SLC37A3: variants seen among roughly 807,000 people sequenced by gnomAD.
The protein encoded by SLC37A3 is solute carrier family 37 member 3.
Under a neutral mutation model 67.1 loss-of-function variants are expected in SLC37A3, and 51 were observed. The observed-to-expected ratio is 0.76, with a 90% CI of 0.61 to 0.96. SLC37A3 has a LOEUF of 0.96. Ranked by LOEUF, SLC37A3 falls within the 40% of genes least tolerant of loss-of-function variation. The pLI, the probability that SLC37A3 is intolerant of heterozygous loss-of-function variation, is 0.00. For missense variants in SLC37A3, 508 were observed against 603.0 expected (o/e 0.84, Z 1.65); for synonymous variants, 214 against 231.4 (o/e 0.92, Z 0.68).
chr7:140,360,198 T>C (rs1259871711), intron 5 of SLC37A3, among the ~76,000 whole-genome samples: 1 of 152,040 alleles, frequency 6.6e-6, no homozygotes, highest in African/African-American at 2.4e-5. Flanking sequence ...ATTTAAAAAT[T>C]AGCTAAGCAT....
intron 1 of SLC37A3, among the ~76,000 whole-genome samples, chr7:140,390,723 A>G (rs1363682688): frequency 6.6e-6 from 1 of 152,034 alleles, no homozygotes; most frequent in Non-Finnish European, 1.5e-5. Context: ...TCCATCCCCC[A>G]ATAAAAACCC....
At chr7:140,349,762 GC>G (rs1796719093) in intron 9 of SLC37A3, among the ~76,000 whole-genome samples, 1 of 152,100 alleles carries the variant, frequency 6.6e-6, no homozygotes, top group South Asian at 2.1e-4. Flanking sequence ...TTACATCCCT[GC>G]CCATGTCAGA....
At chr7:140,369,901 G>A (rs1051019084) in intron 3 of SLC37A3, among the ~76,000 whole-genome samples, 2 of 152,080 alleles carry the variant, frequency 1.3e-5, no homozygotes, top group African/African-American at 4.8e-5. Flanking sequence ...ACCTGATATC[G>A]GGAGTTCGAG....
chr7:140,362,159 C>T (rs1324311727), intron 5 of SLC37A3, among the ~76,000 whole-genome samples: 17 of 139,430 alleles, frequency 1.2e-4, no homozygotes, highest in Middle Eastern at 7.4e-3. Flanking sequence ...GCCTCTTCCC[C>T]GCCGCCCATT....
intron 1 of SLC37A3, among the ~76,000 whole-genome samples, chr7:140,390,173 T>C (rs548793660): frequency 1.3e-5 from 2 of 151,610 alleles, no homozygotes; most frequent in East Asian, 3.9e-4. Flanking sequence ...GGCAGGGGAG[T>C]GGTCAGCAGT....
chr7:140,391,464 G>A (rs985533386), intron 1 of SLC37A3, among the ~76,000 whole-genome samples: 2 of 152,208 alleles, frequency 1.3e-5, no homozygotes, highest in Admixed American at 6.5e-5. Context: ...GCTGAGGCAG[G>A]AGAATCACTT....
intron 9 of SLC37A3, among the ~76,000 whole-genome samples, chr7:140,350,977 C>T (rs1461154736): frequency 6.6e-6 from 1 of 152,114 alleles, no homozygotes; most frequent in Non-Finnish European, 1.5e-5. Flanking sequence ...GTCTAACTGT[C>T]CCATGTTTTC....
chr7:140,393,549 G>A (rs1396725614), intron 1 of SLC37A3, among the ~76,000 whole-genome samples: 2 of 152,172 alleles, frequency 1.3e-5, no homozygotes, highest in African/African-American at 4.8e-5. Flanking sequence ...CTCTTGCTTC[G>A]GGCTTTGTGT....
intron 13 of SLC37A3, among the ~76,000 whole-genome samples, chr7:140,340,530 T>C (rs79851384): frequency 0.1 from 15,391 of 152,092 alleles, 916 homozygotes; most frequent in Non-Finnish European, 0.13. Context: ...ATGTGATTTA[T>C]ATTAGATCAC....
At chr7:140,394,608 CG>C (rs1798845536) in intron 1 of SLC37A3, among the ~76,000 whole-genome samples, 1 of 144,424 alleles carries the variant, frequency 6.9e-6, no homozygotes. Context: ...GGCGACAGAG[CG>C]AGACTCCATC....
intron 13 of SLC37A3, among the ~76,000 whole-genome samples, chr7:140,342,098 A>G (rs952849084): frequency 9.9e-5 from 15 of 152,220 alleles, no homozygotes; most frequent in Non-Finnish European, 1.9e-4. Context: ...AGAAGAACAT[A>G]CAACAAAATG....
intron 5 of SLC37A3, among the ~76,000 whole-genome samples, chr7:140,362,580 C>T (rs1404536571): frequency 9.8e-6 from 1 of 102,356 alleles, no homozygotes; most frequent in Non-Finnish European, 2.2e-5. Context: ...GCCAGCCGCC[C>T]CGTCCGGGAG....
chr7:140,335,276 T>C lies in SLC37A3; in HGVS notation c.*136A>G. The C allele has an allele frequency of 1.3e-5, 21 of 1,614,120 alleles. No homozygotes were observed. Among genetic ancestry groups the C allele is most frequent in the Non-Finnish European group, 1.6e-5 (19 of 1,180,010 alleles). ...CTTCACTGCTGGTCAGCATCTCAGGTGGCTGGCAGTGTTGAGAGACGCCTG... is the reference window on the plus strand; with the variant it reads ...CTTCACTGCTGGTCAGCATCTCAGGCGGCTGGCAGTGTTGAGAGACGCCTG... On this transcript the variant is annotated 3_prime_UTR_variant, in exon 15 of 15. Transcript: ENST00000326232.
chr7:140,346,234 G>A (rs927176805), intron 10 of SLC37A3, among the ~76,000 whole-genome samples: 2 of 152,082 alleles, frequency 1.3e-5, no homozygotes, highest in African/African-American at 4.8e-5. Context: ...AAAAAAATTA[G>A]CCGGGCGTGG....
chr7:140,397,232 C>T (rs1798972889), intron 1 of SLC37A3, among the ~76,000 whole-genome samples: 1 of 148,744 alleles, frequency 6.7e-6, no homozygotes, highest in Non-Finnish European at 1.5e-5. Context: ...CTGGCTCTGT[C>T]ACCCAGGCTG....
rs372507231 is a variant in SLC37A3 at position 140,393,548 on chromosome 7, C to T, written c.-71+4868G>A. Among the ~76,000 whole-genome samples, 135 of 152,308 alleles carry T rather than the reference C, an allele frequency of 8.9e-4. 4 individuals carry two copies. The South Asian group carries it at 0.021, about 23-fold the overall frequency. ...GAACCCATCAAGCCTCCTCTTGCTT[C>T]GGGCTTTGTGTTTGTTCTTCCACGA... On this transcript the variant is annotated intron_variant, in intron 1 of 14. Coordinates refer to ENST00000326232, the MANE Select transcript of SLC37A3 (RefSeq NM_207113.3).
intron 3 of SLC37A3, 94 bp from the exon 4 acceptor site, chr7:140,369,776 AG>A: frequency 1.1e-6 from 1 of 937,266 alleles, no homozygotes; most frequent in South Asian, 1.5e-5. Flanking sequence ...CCAAAGCACC[AG>A]TAATGCTCAA....
In SLC37A3 at chr7:140,348,488, T is replaced by C. The variant is rs1231311800; in HGVS notation, c.1024+138A>G. ...TTTTTTTTTTTTTTTTGAGTTTGGC[T>C]GTTTACTAGTAGGACAGTTTAGGGA... On this transcript the variant is annotated intron_variant, in intron 10 of 14. Coordinates refer to ENST00000326232, the MANE Select transcript of SLC37A3 (RefSeq NM_207113.3). The C allele has an allele frequency of 8.7e-6, 7 of 803,602 alleles. No homozygotes were observed. In the East Asian group the frequency reaches 2.1e-4, roughly 24 times the overall value. 49.8% of individuals were successfully genotyped at this position (803,602 alleles called of 1,614,324 possible).
At chr7:140,363,677 C>A in intron 5 of SLC37A3, among the ~76,000 whole-genome samples, 1 of 90,424 alleles carries the variant, frequency 1.1e-5, no homozygotes, top group East Asian at 3.1e-4. Context: ...GAGAAACACC[C>A]AAGAATGATC....
Sources: gnomAD v4.1 joint callset for allele counts (sites outside exome capture counted in the v4.1 genomes callset) on GRCh38, gnomAD v4.1.1 for gene constraint, MANE v1.5 for transcripts, NCBI Gene and HGNC (gene_info 2026-07-23, HGNC 2026-07-21) for gene names.